OPHN1: variants seen among roughly 807,000 people sequenced by gnomAD.
The protein encoded by OPHN1 is oligophrenin 1, also known as oligophrenin-1.
In OPHN1, 11 loss-of-function variants were observed where a neutral mutation model predicts 60.7. The ratio of observed to expected loss-of-function variants is 0.18; its 90% CI spans 0.11 to 0.30. OPHN1 has a LOEUF of 0.30. Among genes scored for constraint, OPHN1 ranks in the 10% least tolerant of loss-of-function variants. The probability of loss-of-function intolerance (pLI) is 1.00; values close to 1 mark genes in which losing one functional copy is unlikely to be tolerated. For synonymous variants in OPHN1, 226 were observed against 222.6 expected, an observed-to-expected ratio of 1.02 and a Z score of -0.14; for missense variants, 449 against 611.0, an observed-to-expected ratio of 0.73 and a Z score of 2.80.
chrX:68,252,828 C>G (rs1465640313), intron 5 of OPHN1, among the ~76,000 whole-genome samples: 1 of 111,176 alleles, frequency 9.0e-6, no homozygotes, highest in Admixed American at 9.7e-5. Flanking sequence ...GCAGCTTTAT[C>G]TCACACACAC....
intron 10 of OPHN1, among the ~76,000 whole-genome samples, chrX:68,205,979 A>AGTGTGTGTGTGTGTGTGT (rs1228949782): frequency 3.4e-4 from 31 of 91,179 alleles, no homozygotes; most frequent in African/African-American, 1.2e-3. Context: ...AGTGTGTGTG[A>AGTGTGTGTGTGTGTGTGT]GTGTGTGTGT....
chrX:68,238,593 T>C, intron 5 of OPHN1, among the ~76,000 whole-genome samples: 1 of 112,031 alleles, frequency 8.9e-6, no homozygotes. Flanking sequence ...GATTTTAATG[T>C]TTTTCCCAAT....
intron 19 of OPHN1, among the ~76,000 whole-genome samples, chrX:68,087,553 C>A (rs1398603569): frequency 8.9e-6 from 1 of 111,943 alleles, no homozygotes; most frequent in Non-Finnish European, 1.9e-5. Context: ...ATAAGATGGT[C>A]ATTTCCAATT....
chrX:68,421,094 G>A (rs775844636), intron 2 of OPHN1, among the ~76,000 whole-genome samples: 2 of 111,415 alleles, frequency 1.8e-5, no homozygotes, highest in African/African-American at 3.3e-5. Flanking sequence ...AGATACTGCC[G>A]ATTAGTCAAA....
chrX:68,256,957 G>A (rs764468282), intron 5 of OPHN1, among the ~76,000 whole-genome samples: 33 of 109,534 alleles, frequency 3.0e-4, no homozygotes, highest in South Asian at 2.4e-3. Context: ...GCTTGAACCC[G>A]GGAGGCGGAG....
chrX:68,410,922 T>C (rs748986706), intron 2 of OPHN1, among the ~76,000 whole-genome samples: 2 of 111,889 alleles, frequency 1.8e-5, no homozygotes, highest in South Asian at 3.7e-4. Flanking sequence ...ATGCACATAA[T>C]GTAATATTAT....
intron 5 of OPHN1, among the ~76,000 whole-genome samples, chrX:68,245,221 A>T (rs1160843646): frequency 9.0e-6 from 1 of 111,327 alleles, no homozygotes; most frequent in Non-Finnish European, 1.9e-5. Flanking sequence ...GACTTAACTC[A>T]GTACCAAGTA....
At chrX:68,416,563 T>C (rs1323077013) in intron 2 of OPHN1, among the ~76,000 whole-genome samples, 1 of 111,550 alleles carries the variant, frequency 9.0e-6, no homozygotes, top group Non-Finnish European at 1.9e-5. Flanking sequence ...ACTGAGACTG[T>C]GTCAGGCCCC....
chrX:68,107,474 T>TGC (rs2077086443), intron 18 of OPHN1, among the ~76,000 whole-genome samples: 1 of 112,117 alleles, frequency 8.9e-6, no homozygotes, highest in South Asian at 3.7e-4. Context: ...GTTAATGTTT[T>TGC]ATAATTTTTA....
chrX:68,113,212 A>G lies in OPHN1; in HGVS notation c.1389T>C (p.Tyr463=). The G allele has an allele frequency of 3.3e-6, 4 of 1,208,504 alleles. No individual in the cohort carries two copies. The highest frequency in any genetic ancestry group is 4.5e-6 in the Non-Finnish European group (4 of 892,703). ...LRNLSEPVMT[Y]RLHKELVSAA... ...CAGAGACCAGCTCTTTGTGAAGTCTATAGGTCATGACAGGTTCAGAAAGAT... is the reference window on the plus strand; with the variant it reads ...CAGAGACCAGCTCTTTGTGAAGTCTGTAGGTCATGACAGGTTCAGAAAGAT... The change falls in exon 17 of 25, where the codon TAT becomes TAC. Residue 463 remains tyrosine, a synonymous_variant. Transcript: ENST00000355520.
chrX:68,267,941 G>T (rs1157519535), intron 5 of OPHN1, among the ~76,000 whole-genome samples: 2 of 111,760 alleles, frequency 1.8e-5, no homozygotes, highest in African/African-American at 6.5e-5. Flanking sequence ...TAGAAGAAAT[G>T]GATAAATTCC....
chrX:68,174,921 T>C (rs1238010212), intron 15 of OPHN1, among the ~76,000 whole-genome samples: 1 of 110,041 alleles, frequency 9.1e-6, no homozygotes, highest in East Asian at 2.9e-4. Flanking sequence ...CTATCTCTAC[T>C]AAAAATACAA....
chrX:68,398,647 C>G (rs2078697529), intron 2 of OPHN1, among the ~76,000 whole-genome samples: 1 of 111,261 alleles, frequency 9.0e-6, no homozygotes, highest in Non-Finnish European at 1.9e-5. Context: ...CAGGGAGGGT[C>G]CTAAATATAT....
chrX:68,350,457 T>TC (rs2078402684), intron 2 of OPHN1, among the ~76,000 whole-genome samples: 2 of 63,560 alleles, frequency 3.1e-5, no homozygotes, highest in African/African-American at 1.7e-4. Flanking sequence ...TCTCCCTCCC[T>TC]TCCTTCCTTC....
At chrX:68,366,584 C>T (rs2078500114) in intron 2 of OPHN1, among the ~76,000 whole-genome samples, 1 of 111,210 alleles carries the variant, frequency 9.0e-6, no homozygotes, top group Non-Finnish European at 1.9e-5. Context: ...AAACTCCCGG[C>T]CTCAAGCAGT....
intron 2 of OPHN1, among the ~76,000 whole-genome samples, chrX:68,328,281 AC>A (rs1306973810): frequency 9.4e-6 from 1 of 106,846 alleles, no homozygotes; most frequent in Non-Finnish European, 1.9e-5. Flanking sequence ...GGCGCCTGCC[AC>A]CACGCCCGGC....
At position 68,247,041 on chromosome X, in the gene OPHN1, C is replaced by T. The variant is rs143084176; in HGVS notation, c.385-12453G>A. ...TACATGATCCCTCATGAGATGGCAA[C>T]GCGTACTTTGAAAACTTTCTTTGTA... On this transcript the variant is annotated intron_variant, in intron 5 of 24. Coordinates refer to ENST00000355520, the MANE Select transcript of OPHN1 (RefSeq NM_002547.3). Among the ~76,000 whole-genome samples the T allele has an allele frequency of 4.6e-3, 510 of 111,557 alleles. 6 individuals are homozygous for T. Among genetic ancestry groups the T allele is most frequent in the African/African-American group, 0.016 (496 of 30,781 alleles).
In OPHN1 at chrX:68,081,198, C is replaced by CTTTTT. The variant is rs780827629; in HGVS notation, c.1687-7904_1687-7900dup. 4.5e-5 allele frequency among the ~76,000 whole-genome samples: 5 copies of CTTTTT among 110,387 alleles called. No individual in the cohort carries two copies. The South Asian group carries it at 1.6e-3, about 34-fold the overall frequency. On this transcript the variant is annotated intron_variant, in intron 19 of 24. Coordinates refer to ENST00000355520, the MANE Select transcript of OPHN1 (RefSeq NM_002547.3). ...CTTTAGAGCATATTAAATAATAGAA[C>CTTTTT]TTTTTTTTTCATTTATTCCTTCACC...
intron 2 of OPHN1, among the ~76,000 whole-genome samples, chrX:68,364,699 C>T (rs994335613): frequency 8.9e-6 from 1 of 112,337 alleles, no homozygotes; most frequent in Non-Finnish European, 1.9e-5. Context: ...TAAATTTCAA[C>T]TCATTAAAAT....
Sources: gnomAD v4.1 joint callset for allele counts (sites outside exome capture counted in the v4.1 genomes callset) on GRCh38, gnomAD v4.1.1 for gene constraint, MANE v1.5 for transcripts, NCBI Gene and HGNC (gene_info 2026-07-23, HGNC 2026-07-21) for gene names.